Variants in COL8A1 observed in about 807,000 individuals in gnomAD.
COL8A1 encodes collagen alpha-1(VIII) chain.
In COL8A1, 21 loss-of-function variants were observed where a neutral mutation model predicts 42.7. The observed-to-expected ratio is 0.49, with a 90% CI of 0.35 to 0.71. The LOEUF (loss-of-function observed/expected upper bound fraction) is 0.71. COL8A1 is among the 30% of genes least tolerant of loss of function. The pLI is 0.01. For missense variants in COL8A1, 788 were observed against 962.4 expected (o/e 0.82, Z 2.40); for synonymous variants, 367 against 369.1 (o/e 0.99, Z 0.06).
intron 2 of COL8A1, among the ~76,000 whole-genome samples, chr3:99,779,995 T>C (rs1355349251): frequency 1.3e-5 from 2 of 152,186 alleles, no homozygotes; most frequent in Non-Finnish European, 2.9e-5. Context: ...TTACAAATTC[T>C]TCCAGATGAG....
chr3:99,743,476 ACTG>A (rs1940948346), intron 1 of COL8A1, among the ~76,000 whole-genome samples: 1 of 152,178 alleles, frequency 6.6e-6, no homozygotes. Flanking sequence ...TAGGAACATT[ACTG>A]CTTTTTTACA....
At chr3:99,663,673 A>G (rs1456716375) in intron 1 of COL8A1, among the ~76,000 whole-genome samples, 1 of 152,172 alleles carries the variant, frequency 6.6e-6, no homozygotes, top group African/African-American at 2.4e-5. Context: ...TGAGAAATCT[A>G]TACTAGAGGA....
chr3:99,740,221 C>T (rs1408709875), intron 1 of COL8A1, among the ~76,000 whole-genome samples: 3 of 152,210 alleles, frequency 2.0e-5, no homozygotes, highest in Non-Finnish European at 4.4e-5. Context: ...CCCACATTTT[C>T]CTGTCTTTCT....
intron 1 of COL8A1, among the ~76,000 whole-genome samples, chr3:99,726,421 T>G (rs1272220468): frequency 2.0e-5 from 3 of 151,462 alleles, no homozygotes; most frequent in Non-Finnish European, 1.5e-5. Context: ...TTTAATTAGA[T>G]CCCATTTGTC....
chr3:99,783,310 T>C (rs775524195), intron 2 of COL8A1, among the ~76,000 whole-genome samples: 8 of 152,200 alleles, frequency 5.3e-5, no homozygotes, highest in African/African-American at 1.2e-4. Context: ...TCAAGTTTCG[T>C]TGGTCCCATG....
chr3:99,665,209 C>G (rs1470383184), intron 1 of COL8A1, among the ~76,000 whole-genome samples: 1 of 152,248 alleles, frequency 6.6e-6, no homozygotes, highest in Non-Finnish European at 1.5e-5. Flanking sequence ...CTTGCAGCTG[C>G]CTGCCTCTCT....
At chr3:99,725,998 C>T (rs1940306281) in intron 1 of COL8A1, among the ~76,000 whole-genome samples, 1 of 152,158 alleles carries the variant, frequency 6.6e-6, no homozygotes, top group Non-Finnish European at 1.5e-5. Flanking sequence ...ACACTAACTT[C>T]CACAGTTGTT....
chr3:99,660,527 G>A (rs775102629), intron 1 of COL8A1, among the ~76,000 whole-genome samples: 1 of 152,120 alleles, frequency 6.6e-6, no homozygotes, highest in Non-Finnish European at 1.5e-5. Context: ...GTGGTGCAAG[G>A]GGGCTGGCAA....
intron 1 of COL8A1, among the ~76,000 whole-genome samples, chr3:99,641,458 T>C (rs1937507669): frequency 6.6e-6 from 1 of 152,122 alleles, no homozygotes; most frequent in Admixed American, 6.5e-5. Context: ...GCCCCATATT[T>C]AAAAACCCAC....
rs898104358 is a variant in COL8A1, at chr3:99,798,972, T to C, written c.*2836T>C. ...TTAACCAGAATTCTTCCATGTGAAA[T>C]GGACCAAACTCATATTATTGTTATG... On this transcript the variant is annotated 3_prime_UTR_variant, in exon 4 of 4. Transcript: ENST00000652472. 1.3e-5 allele frequency: 2 copies of C among 152,204 alleles called. No individual in the cohort carries two copies. The highest frequency in any genetic ancestry group is 2.9e-5 in the Non-Finnish European group (2 of 68,038). The allele number at this position is 152,204 out of a possible 1,614,324, so 9.4% of individuals were successfully genotyped here.
chr3:99,764,290 T>A (rs1322641777), intron 2 of COL8A1, among the ~76,000 whole-genome samples: 1 of 152,222 alleles, frequency 6.6e-6, no homozygotes, highest in Non-Finnish European at 1.5e-5. Flanking sequence ...TCCAGAGATT[T>A]CTTAATAAAT....
rs1942079908 is a variant in COL8A1 at position 99,795,224 on chromosome 3, T to A, written c.1323T>A (p.Gly441=). 6.2e-7 allele frequency: 1 copy of A among 1,613,392 alleles called. No individual in the cohort carries two copies. Among genetic ancestry groups the A allele is most frequent in the Non-Finnish European group, 8.5e-7 (1 of 1,179,716 alleles). The stretch of plus-strand genomic sequence containing the variant: ...TTCAAGGCTTCCCAGGAAAGCCAGG[T>A]TTCCTTGGTGAAGTAGGGCCTCCTG... ...PGLQGFPGKP[G]FLGEVGPPGM... The change falls in exon 4 of 4, where the codon GGT becomes GGA. Residue 441 remains glycine (G), a synonymous_variant. Transcript: ENST00000652472.
At position 99,790,689 on chromosome 3, in the gene COL8A1, G is replaced by C. The variant is rs766862245; in HGVS notation, c.7G>C (p.Val3Leu). 6.2e-7 allele frequency: 1 copy of C among 1,613,774 alleles called. No individual in the cohort carries two copies. Among genetic ancestry groups the C allele is most frequent in the South Asian group, 1.1e-5 (1 of 91,042 alleles). Residue 3 changes from valine (V) to leucine (L), a missense_variant, in exon 3 of 4, where the codon GTG (valine) becomes CTG (leucine). Physicochemically the swap from Val to Leu is conservative, Grantham distance 32. Transcript: ENST00000652472. Reference protein sequence around the residue: MAVLPGPLQLLGV... With the variant: MALLPGPLQLLGV... ...TTGGTTCCTCCCACAGGTGATGGCTGTGCTGCCTGGCCCTCTGCAGCTGCT... is the reference window on the plus strand; with the variant it reads ...TTGGTTCCTCCCACAGGTGATGGCTCTGCTGCCTGGCCCTCTGCAGCTGCT...
intron 2 of COL8A1, among the ~76,000 whole-genome samples, chr3:99,754,819 A>G (rs1024482151): frequency 6.6e-6 from 1 of 152,190 alleles, no homozygotes; most frequent in Non-Finnish European, 1.5e-5. Flanking sequence ...CATCTCAGTT[A>G]CCAAATAATT....
chr3:99,640,730 G>A (rs1337818928), intron 1 of COL8A1, among the ~76,000 whole-genome samples: 1 of 152,102 alleles, frequency 6.6e-6, no homozygotes, highest in Non-Finnish European at 1.5e-5. Flanking sequence ...TCTCCATAGG[G>A]TACATACCAA....
Position 99,794,161 on chromosome 3 carries a change from G to A in COL8A1, c.329-69G>A. 1.0e-6 allele frequency: 1 copy of A among 986,022 alleles called. No homozygotes were observed. Among genetic ancestry groups the A allele is most frequent in the Non-Finnish European group, 1.5e-6 (1 of 667,630 alleles). 61.1% of individuals were successfully genotyped at this position (986,022 alleles called of 1,614,324 possible). A position where few individuals can be genotyped will look rare whatever the true frequency, so the allele number is the denominator to read the frequency against. ...ATGGTTGTCAGTACTTCATTGATGT[G>A]AGAGACAATCTACTAATCAATCTCT... On this transcript the variant is annotated intron_variant, in intron 3 of 3. Coordinates refer to ENST00000652472, the MANE Select transcript of COL8A1 (RefSeq NM_020351.4). The surrounding 1 kb of genome is among the most constrained non-coding windows in gnomAD (Gnocchi z 4.3).
intron 1 of COL8A1, chr3:99,679,559 T>C (rs1270977177): frequency 6.6e-6 from 1 of 152,170 alleles, no homozygotes; most frequent in Non-Finnish European, 1.5e-5. Context: ...CAGTTGTTAA[T>C]ATCAAATAAA....
At chr3:99,757,677 G>A (rs984161212) in intron 2 of COL8A1, among the ~76,000 whole-genome samples, 1 of 152,086 alleles carries the variant, frequency 6.6e-6, no homozygotes, top group Non-Finnish European at 1.5e-5. Flanking sequence ...CATTTTATCT[G>A]CCGTAGCTAT....
chr3:99,722,520 C>T (rs1372930274), intron 1 of COL8A1, among the ~76,000 whole-genome samples: 2 of 152,044 alleles, frequency 1.3e-5, no homozygotes, highest in East Asian at 1.9e-4. Context: ...TTTAGAAGTT[C>T]TCGCTTGAGA....
Sources: allele counts gnomAD v4.1 joint callset (sites outside exome capture counted in the v4.1 genomes callset), GRCh38; gene constraint gnomAD v4.1.1; non-coding constraint Gnocchi (gnomAD v3.1); transcripts MANE v1.5; gene names NCBI Gene and HGNC (gene_info 2026-07-23, HGNC 2026-07-21).